Variants in GABRB2 observed in about 807,000 individuals in gnomAD.
The protein encoded by GABRB2 is gamma-aminobutyric acid receptor subunit beta-2.
In GABRB2, 16 loss-of-function variants were observed where a neutral mutation model predicts 54.7. The observed-to-expected ratio is 0.29, with a 90% confidence interval of 0.20 to 0.44. The LOEUF (loss-of-function observed/expected upper bound fraction) is 0.44, where lower values mean the gene tolerates loss of function less well. Ranked by LOEUF, GABRB2 falls within the 20% of genes least tolerant of loss-of-function variation. The pLI is 1.00. For synonymous variants in GABRB2, 244 were observed against 233.8 expected, an observed-to-expected ratio of 1.04 and a Z score of -0.40; for missense variants, 355 against 644.0, an observed-to-expected ratio of 0.55 and a Z score of 4.86.
intron 9 of GABRB2, among the ~76,000 whole-genome samples, chr5:161,321,034 T>C (rs1758192661): frequency 6.6e-6 from 1 of 152,022 alleles, no homozygotes; most frequent in Admixed American, 6.6e-5. Flanking sequence ...TAGAAAAATG[T>C]AGATTACTAA....
At chr5:161,539,949 T>A (rs1272441229) in intron 3 of GABRB2, among the ~76,000 whole-genome samples, 1 of 152,210 alleles carries the variant, frequency 6.6e-6, no homozygotes, top group African/African-American at 2.4e-5. Flanking sequence ...GGAGTAGTAA[T>A]CTTTCTGCTG....
chr5:161,446,582 C>A (rs540778197), intron 4 of GABRB2, among the ~76,000 whole-genome samples: 1 of 152,204 alleles, frequency 6.6e-6, no homozygotes, highest in South Asian at 2.1e-4. Context: ...TGGAACCTAT[C>A]CCCATCTTTG....
At chr5:161,485,398 G>C (rs1434122549) in intron 3 of GABRB2, among the ~76,000 whole-genome samples, 1 of 151,910 alleles carries the variant, frequency 6.6e-6, no homozygotes, top group Non-Finnish European at 1.5e-5. Flanking sequence ...TAATAAGGTT[G>C]GTTGGGAACT....
intron 3 of GABRB2, among the ~76,000 whole-genome samples, chr5:161,522,904 G>A (rs911022371): frequency 3.3e-5 from 5 of 151,220 alleles, no homozygotes; most frequent in East Asian, 3.9e-4. Context: ...TGAGTGTTTC[G>A]GAGGTTTTGT....
At chr5:161,300,733 C>A (rs1348218210) in intron 9 of GABRB2, among the ~76,000 whole-genome samples, 1 of 152,182 alleles carries the variant, frequency 6.6e-6, no homozygotes, top group Admixed American at 6.5e-5. Context: ...TCTCAGTAAT[C>A]TGCATTTCTA....
intron 5 of GABRB2, among the ~76,000 whole-genome samples, chr5:161,343,674 A>G (rs1386723168): frequency 6.6e-6 from 1 of 152,076 alleles, no homozygotes; most frequent in Non-Finnish European, 1.5e-5. Context: ...CAAAATAGCC[A>G]CAACAACAAC....
In GABRB2 at chr5:161,483,721, C is replaced by A. The variant is rs114411690; in HGVS notation, c.238-23877G>T. On this transcript the variant is annotated intron_variant, in intron 3 of 9. Transcript: ENST00000393959. Reference sequence around the variant, plus strand: ...AAATCATTGCTAGTTTAAAATACAGCATAAAATAAATATATTTATGGTTTT... The same window carrying A: ...AAATCATTGCTAGTTTAAAATACAGAATAAAATAAATATATTTATGGTTTT... Among the ~76,000 whole-genome samples the A allele has an allele frequency of 3.8e-3, 584 of 151,974 alleles. 5 individuals are homozygous for A. Among genetic ancestry groups the A allele is most frequent in the African/African-American group, 0.013 (558 of 41,490 alleles).
chr5:161,412,165 C>T (rs1053831095), intron 4 of GABRB2, among the ~76,000 whole-genome samples: 14 of 152,128 alleles, frequency 9.2e-5, no homozygotes, highest in African/African-American at 1.7e-4. Flanking sequence ...AAATCTAAAC[C>T]GTAACCCAGG....
intron 4 of GABRB2, among the ~76,000 whole-genome samples, chr5:161,445,836 T>A (rs1443206662): frequency 6.6e-6 from 1 of 152,150 alleles, no homozygotes; most frequent in African/African-American, 2.4e-5. Context: ...CTCCCTAAAA[T>A]GTATGAAAAC....
intron 4 of GABRB2, among the ~76,000 whole-genome samples, chr5:161,449,593 G>A (rs1757731052): frequency 6.6e-6 from 1 of 152,086 alleles, no homozygotes; most frequent in African/African-American, 2.4e-5. Flanking sequence ...CCAACGCTGA[G>A]AACAATCTGC....
intron 3 of GABRB2, among the ~76,000 whole-genome samples, chr5:161,478,772 A>G (rs1758668718): frequency 6.6e-6 from 1 of 152,044 alleles, no homozygotes. Flanking sequence ...GGTCCATCCC[A>G]TCTTAACTGA....
intron 3 of GABRB2, among the ~76,000 whole-genome samples, chr5:161,470,211 G>A (rs1164404925): frequency 6.6e-6 from 1 of 151,428 alleles, no homozygotes; most frequent in Non-Finnish European, 1.5e-5. Context: ...TGCATGTTCT[G>A]TGGTAAGCCG....
intron 3 of GABRB2, among the ~76,000 whole-genome samples, chr5:161,462,832 A>C (rs774092922): frequency 1.8e-4 from 27 of 152,118 alleles, no homozygotes; most frequent in Non-Finnish European, 3.4e-4. Context: ...ATTCGAACTC[A>C]ATGTTAGTGC....
intron 4 of GABRB2, among the ~76,000 whole-genome samples, chr5:161,411,458 T>C (rs890503655): frequency 6.6e-6 from 1 of 152,208 alleles, no homozygotes; most frequent in Non-Finnish European, 1.5e-5. Flanking sequence ...TTCCTCAAGA[T>C]CAGAAACATG....
chr5:161,479,318 G>A (rs993234722), intron 3 of GABRB2, among the ~76,000 whole-genome samples: 4 of 152,000 alleles, frequency 2.6e-5, no homozygotes, highest in Admixed American at 6.6e-5. Flanking sequence ...CTCCTTTGGC[G>A]AGAATGACCT....
intron 3 of GABRB2, among the ~76,000 whole-genome samples, chr5:161,477,761 GT>G (rs2113316696): frequency 6.6e-6 from 1 of 152,032 alleles, no homozygotes; most frequent in African/African-American, 2.4e-5. Context: ...GAGTAGTGAA[GT>G]TCATAGAGAC....
intron 4 of GABRB2, among the ~76,000 whole-genome samples, chr5:161,430,291 G>T (rs1415289007): frequency 1.3e-5 from 2 of 152,158 alleles, no homozygotes; most frequent in African/African-American, 4.8e-5. Flanking sequence ...AGGTTTCAGA[G>T]CAACTTTTCT....
At chr5:161,534,018 T>C (rs1201022436) in intron 3 of GABRB2, among the ~76,000 whole-genome samples, 1 of 152,166 alleles carries the variant, frequency 6.6e-6, no homozygotes, top group Non-Finnish European at 1.5e-5. Flanking sequence ...ATTTTAAAAT[T>C]GTTTTTCCCA....
chr5:161,327,074 AC>A, intron 8 of GABRB2: 1 of 585,200 alleles, frequency 1.7e-6, no homozygotes, highest in Non-Finnish European at 2.2e-6. Flanking sequence ...ACACACACAC[AC>A]AAACTAGAAG....
Sources: allele counts gnomAD v4.1 joint callset (sites outside exome capture counted in the v4.1 genomes callset), GRCh38; gene constraint gnomAD v4.1.1; transcripts MANE v1.5; gene names NCBI Gene and HGNC (gene_info 2026-07-23, HGNC 2026-07-21).